The following BICRA variants were observed in gnomAD, a reference collection of about 807,000 sequenced individuals.
BICRA encodes the protein BRD4-interacting chromatin-remodeling complex-associated protein.
BICRA carries 31 observed loss-of-function variants against 96.9 expected under a neutral mutation model. The observed-to-expected ratio is 0.32, with a 90% confidence interval of 0.24 to 0.43. The LOEUF (loss-of-function observed/expected upper bound fraction) is 0.43. BICRA is among the 20% of genes least tolerant of loss of function. The probability of loss-of-function intolerance (pLI) is 1.00; values close to 1 mark genes in which losing one functional copy is unlikely to be tolerated. For missense variants in BICRA, 2,283 were observed against 2,190.3 expected (o/e 1.04, Z -0.84); for synonymous variants, 1,350 against 1,071.8 (o/e 1.26, Z -5.07).
In BICRA at chr19:47,701,875, C is replaced by G. The variant is rs1479249025; in HGVS notation, c.4143C>G (p.His1381Gln). ...PERKPLGTAP[H>Q]CPRLPLRKTY... ...GCAAGCCCCTGGGCACCGCCCCGCA[C>G]TGCCCGCGCCTGCCACTGCGCAAGA... Residue 1381 changes from histidine to glutamine, a missense_variant, in exon 15 of 15, where the codon CAC becomes CAG. By Grantham distance (24) the His-to-Gln change is conservative. Transcript: ENST00000594866. This position sits in a 1 kb window ranked among gnomAD's most constrained non-coding sequence, Gnocchi z 5.4. 1 of 1,469,116 alleles carries G rather than the reference C, an allele frequency of 6.8e-7. No individual in the cohort carries two copies. Among genetic ancestry groups the G allele is most frequent in the African/African-American group, 1.5e-5 (1 of 67,308 alleles). 91.0% of individuals were successfully genotyped at this position (1,469,116 alleles called of 1,614,324 possible).
chr19:47,669,894 G>T (rs1193601320), intron 1 of BICRA, among the ~76,000 whole-genome samples: 2 of 151,360 alleles, frequency 1.3e-5, no homozygotes, highest in African/African-American at 2.4e-5. Context: ...CTGACCTCGC[G>T]ATCCACCTGT....
At chr19:47,613,261 C>A (rs967576107) in intron 1 of BICRA, among the ~76,000 whole-genome samples, 3 of 152,142 alleles carry the variant, frequency 2.0e-5, no homozygotes, top group Non-Finnish European at 4.4e-5. Context: ...TAGCCCAGGT[C>A]TAGCCAGCAG....
At chr19:47,616,750 G>A (rs1002369348) in intron 1 of BICRA, among the ~76,000 whole-genome samples, 3 of 152,060 alleles carry the variant, frequency 2.0e-5, no homozygotes, top group Non-Finnish European at 2.9e-5. Flanking sequence ...GTGAAGACTT[G>A]GGAAGCTTTT....
intron 1 of BICRA, among the ~76,000 whole-genome samples, chr19:47,629,607 G>A (rs1325436822): frequency 1.3e-5 from 2 of 152,162 alleles, no homozygotes; most frequent in African/African-American, 4.8e-5. Context: ...TACTCCTCTT[G>A]GCTATTGCGA....
rs572143329 is a variant in BICRA at position 47,639,030 on chromosome 19, G to T, written c.-108+29862G>T. ...AATGTTTTAATGTTTTTGAGACAGG[G>T]TCTCGCTCTGTTTCCCAGACTGGAG... On this transcript the variant is annotated intron_variant, in intron 1 of 14. Transcript: ENST00000594866. 7.9e-5 allele frequency among the ~76,000 whole-genome samples: 12 copies of T among 151,936 alleles called. No homozygotes were observed. The South Asian group carries it at 1.2e-3, about 16-fold the overall frequency.
Position 47,675,700 on chromosome 19 carries a change from C to A in BICRA, c.85-151C>A, listed in dbSNP as rs1334340201. On this transcript the variant is annotated intron_variant, in intron 4 of 14. Coordinates refer to ENST00000594866, the MANE Select transcript of BICRA (RefSeq NM_001394372.1). The surrounding 1 kb of genome is among the most constrained non-coding windows in gnomAD (Gnocchi z 4.7). ...ACCCAAGCCCCTGCCTTTGGGGCCT[C>A]TTTTCGGAGGCGAGAGTTTCCCATA... 14 of 675,066 alleles carry A rather than the reference C, an allele frequency of 2.1e-5. No homozygotes were observed. The highest frequency in any genetic ancestry group is 3.7e-5 in the Non-Finnish European group (14 of 377,864). The allele number at this position is 675,066 out of a possible 1,614,324, so 41.8% of individuals were successfully genotyped here.
chr19:47,669,107 A>C (rs572844438), intron 1 of BICRA, among the ~76,000 whole-genome samples: 35 of 152,066 alleles, frequency 2.3e-4, no homozygotes, highest in African/African-American at 6.5e-4. Context: ...CACACACACA[A>C]AAAAATAAAT....
At chr19:47,622,433 T>C (rs1972077908) in intron 1 of BICRA, among the ~76,000 whole-genome samples, 1 of 148,130 alleles carries the variant, frequency 6.8e-6, no homozygotes, top group Admixed American at 6.7e-5. Flanking sequence ...CTTAAAAATA[T>C]GTAGGAGTGG....
chr19:47,659,852 C>T (rs1972679516), intron 1 of BICRA, among the ~76,000 whole-genome samples: 1 of 152,102 alleles, frequency 6.6e-6, no homozygotes, highest in Non-Finnish European at 1.5e-5. Flanking sequence ...CAGGCTCAAG[C>T]AATCCTCACA....
chr19:47,677,165 G>A (rs540416820), intron 5 of BICRA, among the ~76,000 whole-genome samples: 1 of 152,340 alleles, frequency 6.6e-6, no homozygotes, highest in Admixed American at 6.5e-5. Context: ...ATAATAATGA[G>A]TGATGATGAT....
intron 1 of BICRA, among the ~76,000 whole-genome samples, chr19:47,613,484 C>T (rs915583292): frequency 2.0e-5 from 3 of 152,128 alleles, no homozygotes; most frequent in Non-Finnish European, 2.9e-5. Context: ...GTTATCTTGC[C>T]CTGGTCATAT....
chr19:47,613,685 T>TCACTAGC (rs1381159894), intron 1 of BICRA, among the ~76,000 whole-genome samples: 2 of 152,080 alleles, frequency 1.3e-5, no homozygotes, highest in Non-Finnish European at 2.9e-5. Context: ...AGGATGCACC[T>TCACTAGC]TATGCCACAC....
intron 5 of BICRA, among the ~76,000 whole-genome samples, chr19:47,678,303 A>G (rs2123582913): frequency 6.6e-6 from 1 of 152,140 alleles, no homozygotes; most frequent in Non-Finnish European, 1.5e-5. Context: ...TTTAGTAGAG[A>G]TGGTGTTTCA....
At chr19:47,668,487 C>CTTT (rs35737042) in intron 1 of BICRA, among the ~76,000 whole-genome samples, 3 of 125,950 alleles carry the variant, frequency 2.4e-5, no homozygotes, top group East Asian at 2.4e-4. Context: ...CTTTGTGAGT[C>CTTT]TTTTTTTTTT....
At chr19:47,679,114 C>T (rs57319999) in intron 5 of BICRA, 74,008 of 414,612 alleles carry the variant, frequency 0.18, 7,538 homozygotes, top group East Asian at 0.29. Flanking sequence ...CCAGGCTGGT[C>T]TCAAACTCTT....
intron 1 of BICRA, among the ~76,000 whole-genome samples, chr19:47,637,196 TG>T: frequency 6.6e-6 from 1 of 152,102 alleles, no homozygotes. Context: ...CTCGGCTCAC[TG>T]AAAGCTTCAC....
intron 1 of BICRA, among the ~76,000 whole-genome samples, chr19:47,619,562 C>G (rs952205167): frequency 8.6e-5 from 13 of 151,748 alleles, no homozygotes; most frequent in African/African-American, 3.1e-4. Flanking sequence ...CCCAGCCTCT[C>G]CCAATCCTTT....
At chr19:47,616,298 T>C (rs1971983523) in intron 1 of BICRA, among the ~76,000 whole-genome samples, 1 of 152,204 alleles carries the variant, frequency 6.6e-6, no homozygotes, top group African/African-American at 2.4e-5. Flanking sequence ...CAAGTTGCTA[T>C]GGCCTTTCCC....
intron 7 of BICRA, among the ~76,000 whole-genome samples, chr19:47,683,819 C>T (rs752683300): frequency 1.4e-4 from 22 of 152,166 alleles, no homozygotes; most frequent in African/African-American, 2.4e-4. Flanking sequence ...CTCCTGACCT[C>T]GTTATCCACC....
Sources: gnomAD v4.1 joint callset for allele counts (sites outside exome capture counted in the v4.1 genomes callset) on GRCh38, gnomAD v4.1.1 for gene constraint, Gnocchi (gnomAD v3.1) non-coding constraint, MANE v1.5 for transcripts, NCBI Gene and HGNC (gene_info 2026-07-23, HGNC 2026-07-21) for gene names.